The following ULK2 variants were observed in gnomAD, a reference collection of about 807,000 sequenced individuals.
ULK2 encodes the protein serine/threonine-protein kinase ULK2.
In ULK2, 76 loss-of-function variants were observed where a neutral mutation model predicts 127.5. That is an observed-to-expected ratio of 0.60 (90% CI 0.50 to 0.72). ULK2 has a LOEUF of 0.72. ULK2 is among the 30% of genes least tolerant of loss of function. The pLI is 0.00. For missense variants in ULK2, 1,144 were observed against 1,295.9 expected (o/e 0.88, Z 1.80); for synonymous variants, 452 against 461.9 (o/e 0.98, Z 0.28).
chr17:19,804,757 G>A lies in ULK2; in HGVS notation c.1231C>T (p.Gln411Ter). ...GATGTAAGATTCTGCTCTATGCGCT[G>A]ATAATTCCTTATTTGAGTAGGAACT... Reference protein sequence around the residue: ...IPVPTQIRNYQRIEQNLTSTA... With the variant: ...IPVPTQIRNY The change falls in exon 15 of 27, where the codon CAG becomes TAG. Residue 411 changes from glutamine (Q) to a stop codon, truncating the protein, a stop_gained. Coordinates refer to ENST00000395544, the MANE Select transcript of ULK2 (RefSeq NM_014683.4). LOFTEE classifies it high-confidence loss of function. 6.2e-7 allele frequency: 1 copy of A among 1,612,980 alleles called. No individual in the cohort carries two copies. Among genetic ancestry groups the A allele is most frequent in the Non-Finnish European group, 8.5e-7 (1 of 1,179,384 alleles).
chr17:19,835,439 G>A (rs568688698), intron 10 of ULK2, among the ~76,000 whole-genome samples: 4 of 151,448 alleles, frequency 2.6e-5, no homozygotes, highest in East Asian at 2.0e-4. Context: ...TGTAGAGGCC[G>A]GGCGCGGTGG....
rs60546891 is a variant in ULK2 at position 19,845,659 on chromosome 17, TAC to T, written c.470-284_470-283del. The stretch of plus-strand genomic sequence containing the variant: ...CTAATTATAATAAGTAGCTCATTAA[TAC>T]AGTTTTCATTAAATATCAATACCAG... On this transcript the variant is annotated intron_variant, in intron 6 of 26. Transcript: ENST00000395544. Among the ~76,000 whole-genome samples the T allele has an allele frequency of 4.8e-3, 724 of 152,278 alleles. 23 individuals are homozygous for T. The East Asian group carries it at 0.088, about 18-fold the overall frequency.
intron 3 of ULK2, among the ~76,000 whole-genome samples, chr17:19,863,429 A>G (rs2042285025): frequency 6.6e-6 from 1 of 151,740 alleles, no homozygotes; most frequent in Admixed American, 6.6e-5. Context: ...AGAATCTGCT[A>G]TTCCCTCTGG....
intron 2 of ULK2, 34 bp downstream of exon 2, chr17:19,865,702 C>A: frequency 1.6e-6 from 2 of 1,264,002 alleles, no homozygotes; most frequent in Non-Finnish European, 2.2e-6. Flanking sequence ...TAAGTTTTAA[C>A]CTTATATGAA....
intron 16 of ULK2, 112 bp downstream of exon 16, chr17:19,801,665 T>G: frequency 7.0e-7 from 1 of 1,422,742 alleles, no homozygotes; most frequent in Non-Finnish European, 9.6e-7. Flanking sequence ...TGGCCTCCAA[T>G]CAGCTGAGAA....
rs769515650 is a variant in ULK2 at position 19,867,401 on chromosome 17, T to A, written c.17A>T (p.Asp6Val). The A allele has an allele frequency of 6.3e-7, 1 of 1,599,562 alleles. No individual in the cohort carries two copies. Among genetic ancestry groups the A allele is most frequent in the Non-Finnish European group, 8.5e-7 (1 of 1,174,480 alleles). MEVVG[D>V]FEYSKRDLVG... Reference sequence around the variant, plus strand: ...GAGATCCCTCTTGCTGTACTCGAAGTCACCCACCACCTCCATGGCCGCGCC... The same window carrying A: ...GAGATCCCTCTTGCTGTACTCGAAGACACCCACCACCTCCATGGCCGCGCC... The change falls in exon 1 of 27, where the codon GAC (aspartate) becomes GTC (valine). Residue 6 changes from aspartate to valine, a missense_variant. Asp to Val is a radical substitution (Grantham distance 152, BLOSUM62 -3). Around this residue, in one of 2 missense-constraint regions of ULK2, gnomAD observed 231 missense variants for 325.4 expected, o/e 0.71. Transcript: ENST00000395544.
intron 12 of ULK2, among the ~76,000 whole-genome samples, chr17:19,818,004 A>G (rs2041036402): frequency 6.6e-6 from 1 of 152,140 alleles, no homozygotes; most frequent in Non-Finnish European, 1.5e-5. Context: ...GCACTGTTAA[A>G]AGAGCTTTCC....
chr17:19,801,508 G>C (rs940447683), intron 16 of ULK2, among the ~76,000 whole-genome samples: 2 of 152,178 alleles, frequency 1.3e-5, no homozygotes, highest in East Asian at 3.9e-4. Flanking sequence ...TTGAACCTGG[G>C]AAGCAGAGGC....
rs780791357 is a variant in ULK2, at chr17:19,776,376, C to T, written c.3084G>A (p.Ala1028=). Residue 1028 remains alanine, a synonymous_variant, in exon 27 of 27, where the codon GCG becomes GCA. Transcript: ENST00000395544. ...ACACGGTTGCGGTGCTATGGCAGAGCGCCGACAGTCTTCTCTCAATACTAC... is the reference window on the plus strand; with the variant it reads ...ACACGGTTGCGGTGCTATGGCAGAGTGCCGACAGTCTTCTCTCAATACTAC... ...YKCSIERRLS[A]LCHSTATV is the part of the protein sequence containing the mutation. 7.2e-5 allele frequency: 116 copies of T among 1,604,878 alleles called. No homozygotes were observed. Among genetic ancestry groups the T allele is most frequent in the Middle Eastern group, 1.6e-4 (1 of 6,066 alleles).
At position 19,776,425 on chromosome 17, in the gene ULK2, A is replaced by C. The variant is rs576399945; in HGVS notation, c.3053-18T>G. The C allele has an allele frequency of 1.8e-4, 289 of 1,569,442 alleles. 1 individual carries two copies. The highest frequency in any genetic ancestry group is 8.6e-4 in the Middle Eastern group (5 of 5,838). ...ACATTTATCTAGAAATAAAATAACA[A>C]AAATGAAGAACTAATGAAAAAAATC... On this transcript the variant is annotated intron_variant, in intron 26 of 26. Transcript: ENST00000395544.
In ULK2 at chr17:19,825,313, C is replaced by T. The variant is rs564969287; in HGVS notation, c.836-131G>A. 41 of 677,352 alleles carry T rather than the reference C, an allele frequency of 6.1e-5. 1 individual carries two copies. The Admixed American group carries it at 1.2e-3, about 19-fold the overall frequency. The allele number at this position is 677,352 out of a possible 1,614,324, so 42.0% of individuals were successfully genotyped here. A position where few individuals can be genotyped will look rare whatever the true frequency, so the allele number is the denominator to read the frequency against. On this transcript the variant is annotated intron_variant, in intron 11 of 26. Transcript: ENST00000395544. Reference sequence around the variant, plus strand: ...ATCTGCATTTACCTATTTATTACCACATCTGCTGATGAAACTAAAAATGCA... The same window carrying T: ...ATCTGCATTTACCTATTTATTACCATATCTGCTGATGAAACTAAAAATGCA...
intron 10 of ULK2, among the ~76,000 whole-genome samples, chr17:19,835,713 T>C (rs1156355188): frequency 2.1e-5 from 3 of 146,068 alleles, no homozygotes; most frequent in Non-Finnish European, 4.5e-5. Context: ...CAAGACTCCG[T>C]CTCAAAAAAA....
At chr17:19,803,249 T>C (rs1396672765) in intron 15 of ULK2, among the ~76,000 whole-genome samples, 1 of 152,222 alleles carries the variant, frequency 6.6e-6, no homozygotes, top group African/African-American at 2.4e-5. Context: ...AGATAACTAC[T>C]CTAATATGTG....
intron 10 of ULK2, among the ~76,000 whole-genome samples, chr17:19,834,307 G>A: frequency 6.6e-6 from 1 of 151,978 alleles, no homozygotes; most frequent in Admixed American, 6.6e-5. Context: ...TTTGTATAAA[G>A]AGCATTGGTA....
intron 15 of ULK2, 94 bp from the exon 16 acceptor site, chr17:19,802,016 G>C: frequency 4.3e-6 from 6 of 1,399,272 alleles, no homozygotes; most frequent in Non-Finnish European, 5.7e-6. Context: ...CCACGGAGTA[G>C]TTTTCAAAAA....
chr17:19,807,267 T>C (rs2087534355), intron 14 of ULK2, among the ~76,000 whole-genome samples: 1 of 152,092 alleles, frequency 6.6e-6, no homozygotes, highest in Non-Finnish European at 1.5e-5. Flanking sequence ...AAGGGCCTAG[T>C]GTGGCACACA....
In ULK2 at chr17:19,797,474, C is replaced by T; in HGVS notation, c.1731G>A (p.Lys577=). The T allele has an allele frequency of 6.2e-7, 1 of 1,613,970 alleles. No homozygotes were observed. The highest frequency in any genetic ancestry group is 8.5e-7 in the Non-Finnish European group (1 of 1,179,984). ...AACTCCGTGGAGAGGACCCCAAGTG[C>T]TTGGTGGGAGAAGTTCCAAGGCTGC... ...RPGSLGTSPT[K]HLGSSPRSSD... The change falls in exon 18 of 27, where the codon AAG becomes AAA. Residue 577 remains lysine, a synonymous_variant. Transcript: ENST00000395544.
At chr17:19,863,524 G>C (rs1349116266) in intron 3 of ULK2, among the ~76,000 whole-genome samples, 7 of 142,776 alleles carry the variant, frequency 4.9e-5, no homozygotes, top group Non-Finnish European at 9.0e-5. Context: ...TTTAAGAGAC[G>C]ATCTTGCTCT....
intron 3 of ULK2, among the ~76,000 whole-genome samples, chr17:19,851,464 C>T (rs905547047): frequency 1.4e-4 from 21 of 151,774 alleles, no homozygotes; most frequent in African/African-American, 1.2e-4. Context: ...ATGGTGAAAC[C>T]CCATCTCTAC....
Sources: gnomAD v4.1 joint callset for allele counts (sites outside exome capture counted in the v4.1 genomes callset) on GRCh38, gnomAD v4.1.1 for gene constraint, gnomAD v4.1.1 regional missense constraint, MANE v1.5 for transcripts, NCBI Gene and HGNC (gene_info 2026-07-23, HGNC 2026-07-21) for gene names.